Variants in STARD13 observed in about 807,000 individuals in gnomAD.
STARD13 encodes the protein StAR related lipid transfer domain containing 13.
In STARD13, 62 loss-of-function variants were observed where a neutral mutation model predicts 106.4. The ratio of observed to expected loss-of-function variants is 0.58; its 90% confidence interval spans 0.48 to 0.72. The LOEUF is 0.72. STARD13 is among the 30% of genes least tolerant of loss of function. STARD13 has a pLI of 0.00. For synonymous variants in STARD13, 565 were observed against 553.0 expected (o/e 1.02, Z -0.31); for missense variants, 1,387 against 1,424.0 (o/e 0.97, Z 0.42).
chr13:33,478,107 T>C, the STARD13 span, among the ~76,000 whole-genome samples: 1 of 152,216 alleles, frequency 6.6e-6, no homozygotes, highest in Non-Finnish European at 1.5e-5. Flanking sequence ...TGCATGTAAC[T>C]ACATTCCTTT....
the STARD13 span, among the ~76,000 whole-genome samples, chr13:33,652,445 A>C: frequency 6.6e-6 from 1 of 152,244 alleles, no homozygotes; most frequent in Admixed American, 6.5e-5. Flanking sequence ...CTAGATTCTA[A>C]ACAATAAACA....
the STARD13 span, chr13:33,658,338 T>G: frequency 7.2e-5 from 11 of 152,288 alleles, no homozygotes; most frequent in African/African-American, 2.7e-4. Context: ...TGCTTCCACA[T>G]TTTTGCTATT....
At chr13:33,624,921 T>C in the STARD13 span, among the ~76,000 whole-genome samples, 1 of 152,340 alleles carries the variant, frequency 6.6e-6, no homozygotes, top group East Asian at 1.9e-4. Context: ...AAAGTGGTAC[T>C]TCCTTCCATG....
chr13:33,637,507 G>T, the STARD13 span, among the ~76,000 whole-genome samples: 1 of 152,146 alleles, frequency 6.6e-6, no homozygotes, highest in African/African-American at 2.4e-5. Flanking sequence ...GAAGAATGCT[G>T]TTTCCATTGT....
chr13:33,382,708 G>A, the STARD13 span, among the ~76,000 whole-genome samples: 1 of 152,104 alleles, frequency 6.6e-6, no homozygotes, highest in Admixed American at 6.6e-5. Flanking sequence ...AGAAAAATGC[G>A]ATTCCATTGG....
the STARD13 span, among the ~76,000 whole-genome samples, chr13:33,438,676 A>T: frequency 6.6e-6 from 1 of 152,144 alleles, no homozygotes; most frequent in East Asian, 1.9e-4. Flanking sequence ...GCCCAGTGTA[A>T]AGGCCTCCTT....
intron 1 of STARD13, among the ~76,000 whole-genome samples, chr13:33,230,134 T>C (rs1210547902): frequency 6.6e-6 from 1 of 152,232 alleles, no homozygotes; most frequent in Non-Finnish European, 1.5e-5. Context: ...AAGGAGATTG[T>C]AGCCATCGTT....
rs141256927 is a variant in STARD13, at chr13:33,196,861, C to G, written c.170-29239G>C. Among the ~76,000 whole-genome samples the G allele has an allele frequency of 3.1e-3, 472 of 152,222 alleles. 1 individual carries two copies. The highest frequency in any genetic ancestry group is 0.011 in the African/African-American group (441 of 41,538). On this transcript the variant is annotated intron_variant, in intron 1 of 13. Transcript: ENST00000336934. ...ACACAGATTTAGACCAGAAAAGAAG[C>G]CAACTGAACTAGTGTAAAATTGTCT...
At chr13:33,305,167 T>C (rs868543262) in intron 1 of STARD13, among the ~76,000 whole-genome samples, 16 of 152,342 alleles carry the variant, frequency 1.1e-4, no homozygotes, top group African/African-American at 3.8e-4. Context: ...ACTGGGATTA[T>C]AGGCATGAGC....
chr13:33,617,579 C>T, the STARD13 span, among the ~76,000 whole-genome samples: 2 of 152,032 alleles, frequency 1.3e-5, no homozygotes, highest in Non-Finnish European at 2.9e-5. Context: ...TCACCCATAT[C>T]ATCATTTTTT....
intron 8 of STARD13, chr13:33,113,251 A>G (rs907351278): frequency 2.4e-6 from 1 of 409,212 alleles, no homozygotes. Context: ...CTGCTTTCAG[A>G]AGGCTTCTGG....
intron 4 of STARD13, among the ~76,000 whole-genome samples, chr13:33,132,531 C>T (rs1761463575): frequency 6.6e-6 from 1 of 152,112 alleles, no homozygotes; most frequent in Non-Finnish European, 1.5e-5. Flanking sequence ...TATAAATAAC[C>T]CAGTCTCAGG....
rs754883718 is a variant in STARD13, at chr13:33,112,717, C to T, written c.2492+4G>A. Reference sequence around the variant, plus strand: ...TACTGTTGTTACTGAGAAAAAAAACCCACCGTGGAGAGCTTTCTTTCTTCA... The same window carrying T: ...TACTGTTGTTACTGAGAAAAAAAACTCACCGTGGAGAGCTTTCTTTCTTCA... On this transcript the variant is annotated splice_donor_region_variant and intron_variant, in intron 9 of 13. Transcript: ENST00000336934. The T allele has an allele frequency of 6.3e-6, 10 of 1,575,068 alleles. No homozygotes were observed. In the East Asian group the frequency reaches 2.3e-4, roughly 36 times the overall value.
chr13:33,328,098 A>C (rs2077797437), intron 1 of STARD13, among the ~76,000 whole-genome samples: 1 of 152,340 alleles, frequency 6.6e-6, no homozygotes, highest in South Asian at 2.1e-4. Flanking sequence ...GTCTCTCCAC[A>C]GGGTTCTTGA....
At chr13:33,641,603 T>C in the STARD13 span, among the ~76,000 whole-genome samples, 1 of 152,202 alleles carries the variant, frequency 6.6e-6, no homozygotes, top group African/African-American at 2.4e-5. Flanking sequence ...CTTATGAAAC[T>C]ACTTCTGAGG....
the STARD13 span, among the ~76,000 whole-genome samples, chr13:33,385,467 TAAAAAA>T: frequency 1.3e-5 from 1 of 76,478 alleles, no homozygotes; most frequent in East Asian, 3.5e-4. Flanking sequence ...CCCAGAATGG[TAAAAAA>T]AAAAAAAAAA....
the STARD13 span, among the ~76,000 whole-genome samples, chr13:33,512,405 G>C: frequency 6.6e-6 from 1 of 152,120 alleles, no homozygotes; most frequent in Non-Finnish European, 1.5e-5. Flanking sequence ...AAGAGTCTTA[G>C]AGAAGTGTTA....
the STARD13 span, among the ~76,000 whole-genome samples, chr13:33,556,794 G>T: frequency 1.3e-5 from 2 of 152,032 alleles, no homozygotes; most frequent in African/African-American, 2.4e-5. Context: ...GTGAGACAGG[G>T]TCTCACTGTG....
intron 1 of STARD13, among the ~76,000 whole-genome samples, chr13:33,265,291 A>G (rs7334807): frequency 0.25 from 37,601 of 152,076 alleles, 5,322 homozygotes; most frequent in African/African-American, 0.37. Flanking sequence ...AAATATGTGC[A>G]ATTTCCTACT....
Sources: allele counts gnomAD v4.1 joint callset (sites outside exome capture counted in the v4.1 genomes callset), GRCh38; gene constraint gnomAD v4.1.1; transcripts MANE v1.5; gene names NCBI Gene and HGNC (gene_info 2026-07-23, HGNC 2026-07-21).